The following RGS3 variants were observed in gnomAD, a reference collection of about 807,000 sequenced individuals.
RGS3 encodes regulator of G protein signaling 3, also known as regulator of G-protein signalling 3.
Under a neutral mutation model 132.6 loss-of-function variants are expected in RGS3, and 80 were observed. The ratio of observed to expected loss-of-function variants is 0.60; its 90% CI spans 0.50 to 0.73. RGS3 has a LOEUF of 0.73. Ranked by LOEUF, RGS3 falls within the 30% of genes least tolerant of loss-of-function variation. The pLI, the probability that RGS3 is intolerant of heterozygous loss-of-function variation, is 0.00. For synonymous variants in RGS3, 598 were observed against 620.6 expected, an observed-to-expected ratio of 0.96 and a Z score of 0.54; for missense variants, 1,382 against 1,530.8, an observed-to-expected ratio of 0.90 and a Z score of 1.62.
intron 3 of RGS3, among the ~76,000 whole-genome samples, chr9:113,475,299 G>A (rs1055304078): frequency 2.6e-5 from 4 of 152,172 alleles, no homozygotes; most frequent in Non-Finnish European, 4.4e-5. Flanking sequence ...CAACCTCGAT[G>A]AGGATGACTT....
chr9:113,561,234 A>C (rs1429061543), intron 19 of RGS3, among the ~76,000 whole-genome samples: 1 of 151,926 alleles, frequency 6.6e-6, no homozygotes, highest in Admixed American at 6.6e-5. Context: ...CATGTTGGCC[A>C]GGCTGGTCTC....
intron 18 of RGS3, among the ~76,000 whole-genome samples, chr9:113,533,238 T>G (rs1254374931): frequency 6.6e-6 from 1 of 151,722 alleles, no homozygotes; most frequent in Non-Finnish European, 1.5e-5. Flanking sequence ...ATTCTGTTTT[T>G]TTTTTTTTTT....
chr9:113,485,544 A>G (rs1254966421), intron 6 of RGS3, 81 bp from the exon 5 acceptor site: 2 of 1,080,252 alleles, frequency 1.9e-6, no homozygotes, highest in Non-Finnish European at 2.7e-6. Context: ...ACATTTTTGG[A>G]ATTATGACTG....
At chr9:113,554,975 A>G (rs919280857) in intron 19 of RGS3, among the ~76,000 whole-genome samples, 10 of 152,174 alleles carry the variant, frequency 6.6e-5, no homozygotes, top group Non-Finnish European at 1.5e-4. Flanking sequence ...TTCATCTGCA[A>G]TTAATTTAAT....
At chr9:113,545,043 C>T (rs1833053851) in intron 19 of RGS3, among the ~76,000 whole-genome samples, 1 of 152,148 alleles carries the variant, frequency 6.6e-6, no homozygotes, top group Non-Finnish European at 1.5e-5. Flanking sequence ...CAATAGCTTC[C>T]CACAAGATTT....
At chr9:113,580,923 G>T in intron 19 of RGS3, 2 of 985,480 alleles carry the variant, frequency 2.0e-6, no homozygotes, top group Non-Finnish European at 2.4e-6. Flanking sequence ...TCCCCACTCA[G>T]TGCCACTCTG....
intron 19 of RGS3, among the ~76,000 whole-genome samples, chr9:113,557,069 C>T (rs1029716502): frequency 4.6e-5 from 7 of 152,218 alleles, no homozygotes; most frequent in African/African-American, 1.7e-4. Context: ...GTTTACAGTG[C>T]CTAATGTGTG....
chr9:113,460,199 A>G (rs946866461), upstream of RGS3: 10 of 1,219,116 alleles, frequency 8.2e-6, no homozygotes, highest in South Asian at 1.4e-5. Context: ...TTGAGGATAA[A>G]TTTCACCTTT....
intron 14 of RGS3, among the ~76,000 whole-genome samples, chr9:113,510,498 T>A (rs1268714166): frequency 6.6e-6 from 1 of 152,142 alleles, no homozygotes; most frequent in Non-Finnish European, 1.5e-5. Context: ...ACGACTTGGG[T>A]TGCCTCTGAG....
intron 10 of RGS3, chr9:113,505,046 C>A (rs934632273): frequency 4.8e-6 from 1 of 210,078 alleles, no homozygotes; most frequent in Admixed American, 5.1e-5. Context: ...GCTCTGTGAA[C>A]CTCTGTGAGA....
At position 113,571,599 on chromosome 9, in the gene RGS3, G is replaced by C. The variant is rs113795694; in HGVS notation, c.2038-11851G>C. Among the ~76,000 whole-genome samples the C allele has an allele frequency of 2.4e-3, 359 of 152,088 alleles. 1 individual carries two copies. Among genetic ancestry groups the C allele is most frequent in the African/African-American group, 8.3e-3 (343 of 41,502 alleles). ...CTGATTAACTTGTAGGAGCTTAAACGATATTGTAGATATGTGTTTATTGTT... is the reference window on the plus strand; with the variant it reads ...CTGATTAACTTGTAGGAGCTTAAACCATATTGTAGATATGTGTTTATTGTT... On this transcript the variant is annotated intron_variant, in intron 19 of 24. Transcript: ENST00000350696.
chr9:113,577,219 G>A (rs930186573), intron 19 of RGS3, among the ~76,000 whole-genome samples: 5 of 151,958 alleles, frequency 3.3e-5, no homozygotes, highest in Non-Finnish European at 5.9e-5. Flanking sequence ...CCTGACCTGA[G>A]GTGATCCACC....
chr9:113,560,215 A>G (rs1049669691), intron 19 of RGS3, among the ~76,000 whole-genome samples: 2 of 152,174 alleles, frequency 1.3e-5, no homozygotes, highest in African/African-American at 4.8e-5. Context: ...CCACTGGACA[A>G]CCACTTCCTG....
chr9:113,483,116 A>G, exon 5 of RGS3: 6 of 1,606,902 alleles, frequency 3.7e-6, no homozygotes, highest in Non-Finnish European at 5.1e-6. Flanking sequence ...CCGTATGTGA[A>G]GGTATGTGGT....
chr9:113,521,768 G>A (rs1370737689), intron 16 of RGS3, among the ~76,000 whole-genome samples: 8 of 152,160 alleles, frequency 5.3e-5, no homozygotes, highest in Admixed American at 5.2e-4. Flanking sequence ...TCAGAAGTGA[G>A]GCTGTGGGGT....
chr9:113,476,508 G>T (rs994974175), intron 3 of RGS3, among the ~76,000 whole-genome samples: 5 of 152,200 alleles, frequency 3.3e-5, no homozygotes, highest in Non-Finnish European at 1.5e-5. Flanking sequence ...GGAGCCTGGA[G>T]TCTGGTCTGC....
At chr9:113,494,920 G>C (rs1230804145) in intron 7 of RGS3, among the ~76,000 whole-genome samples, 1 of 151,950 alleles carries the variant, frequency 6.6e-6, no homozygotes, top group Non-Finnish European at 1.5e-5. Context: ...CTGTCACCCA[G>C]GCTGCAGTGC....
At chr9:113,564,372 C>T (rs189893325) in intron 19 of RGS3, among the ~76,000 whole-genome samples, 137 of 152,258 alleles carry the variant, frequency 9.0e-4, no homozygotes, top group South Asian at 1.2e-3. Context: ...GGGCCTGGCA[C>T]GGAGTTCATG....
intron 3 of RGS3, among the ~76,000 whole-genome samples, chr9:113,470,236 T>G (rs1253958433): frequency 6.6e-6 from 1 of 152,176 alleles, no homozygotes; most frequent in East Asian, 1.9e-4. Context: ...TTGGGTGCAG[T>G]GTTCTTTGTG....
Sources: allele counts gnomAD v4.1 joint callset (sites outside exome capture counted in the v4.1 genomes callset), GRCh38; gene constraint gnomAD v4.1.1; transcripts MANE v1.5; gene names NCBI Gene and HGNC (gene_info 2026-07-23, HGNC 2026-07-21).